CSMD1: variants seen among roughly 807,000 people sequenced by gnomAD.
CSMD1 encodes the protein CUB and Sushi multiple domains 1.
In CSMD1, 213 loss-of-function variants were observed where a neutral mutation model predicts 417.5. That is an observed-to-expected ratio of 0.51 (90% CI 0.46 to 0.57). The LOEUF (loss-of-function observed/expected upper bound fraction) is 0.57, where lower values mean the gene tolerates loss of function less well. Among genes scored for constraint, CSMD1 ranks in the 20% least tolerant of loss-of-function variants. The probability of loss-of-function intolerance (pLI) is 0.00; values close to 1 mark genes in which losing one functional copy is unlikely to be tolerated. For synonymous variants in CSMD1, 2,862 were observed against 1,736.8 expected, an observed-to-expected ratio of 1.65 and a Z score of -16.11; for missense variants, 6,923 against 4,529.7, an observed-to-expected ratio of 1.53 and a Z score of -15.17.
chr8:3,960,092 G>C (rs993119138), intron 5 of CSMD1, among the ~76,000 whole-genome samples: 1 of 152,166 alleles, frequency 6.6e-6, no homozygotes, highest in African/African-American at 2.4e-5. Context: ...AACAGTGCTG[G>C]AGCTAAGTGG....
chr8:3,447,142 T>C (rs1015655763), intron 12 of CSMD1, among the ~76,000 whole-genome samples: 1 of 152,058 alleles, frequency 6.6e-6, no homozygotes, highest in Non-Finnish European at 1.5e-5. Flanking sequence ...ACAGACATGA[T>C]CAAAGAGCCA....
chr8:3,990,585 T>G (rs561427244), intron 5 of CSMD1, among the ~76,000 whole-genome samples: 2 of 152,344 alleles, frequency 1.3e-5, no homozygotes, highest in East Asian at 3.9e-4. Context: ...AAATTTCAAA[T>G]ACGTATTCTT....
intron 8 of CSMD1, among the ~76,000 whole-genome samples, chr8:3,612,641 G>A (rs140545675): frequency 5.5e-4 from 83 of 152,178 alleles, no homozygotes; most frequent in Non-Finnish European, 8.8e-4. Context: ...AAAATGTTCA[G>A]TATATGGCAA....
intron 2 of CSMD1, among the ~76,000 whole-genome samples, chr8:4,439,331 A>C (rs1798329802): frequency 6.6e-6 from 1 of 152,156 alleles, no homozygotes. Context: ...CGTTAAATAT[A>C]ATTATTCAAA....
chr8:4,186,535 C>T (rs1215036863), intron 3 of CSMD1, among the ~76,000 whole-genome samples: 1 of 152,232 alleles, frequency 6.6e-6, no homozygotes, highest in Admixed American at 6.5e-5. Context: ...GGTGACTTCA[C>T]AGCATTATAC....
At chr8:4,586,014 C>A (rs1031501518) in intron 2 of CSMD1, among the ~76,000 whole-genome samples, 1 of 152,042 alleles carries the variant, frequency 6.6e-6, no homozygotes, top group Non-Finnish European at 1.5e-5. Context: ...TTCATCATTA[C>A]CTTTTTCATT....
chr8:4,382,115 T>A (rs1229710753), intron 3 of CSMD1, among the ~76,000 whole-genome samples: 1 of 152,154 alleles, frequency 6.6e-6, no homozygotes, highest in Non-Finnish European at 1.5e-5. Context: ...TAATATAGAA[T>A]GCACTTCAAT....
At chr8:4,521,234 A>G (rs1803427102) in intron 2 of CSMD1, among the ~76,000 whole-genome samples, 1 of 152,210 alleles carries the variant, frequency 6.6e-6, no homozygotes, top group African/African-American at 2.4e-5. Flanking sequence ...AAAAAGAACC[A>G]GAATGATAGT....
intron 49 of CSMD1, among the ~76,000 whole-genome samples, chr8:3,077,072 G>A (rs1168464497): frequency 6.6e-6 from 1 of 152,080 alleles, no homozygotes; most frequent in Non-Finnish European, 1.5e-5. Flanking sequence ...AGGTATGTGT[G>A]TTAAACCCAT....
intron 1 of CSMD1, among the ~76,000 whole-genome samples, chr8:4,718,908 T>A (rs892023981): frequency 6.6e-6 from 1 of 152,166 alleles, no homozygotes; most frequent in Non-Finnish European, 1.5e-5. Flanking sequence ...TATGACATTG[T>A]ATTAAAAAAT....
chr8:3,807,319 T>G (rs1166861022), intron 5 of CSMD1, among the ~76,000 whole-genome samples: 1 of 152,196 alleles, frequency 6.6e-6, no homozygotes, highest in East Asian at 1.9e-4. Flanking sequence ...CAGTATCTGG[T>G]TTTGTACTTG....
intron 1 of CSMD1, among the ~76,000 whole-genome samples, chr8:4,733,528 A>G (rs1810034951): frequency 6.6e-6 from 1 of 152,234 alleles, no homozygotes; most frequent in African/African-American, 2.4e-5. Flanking sequence ...AACAAGGAAG[A>G]TAGATAGTGC....
At chr8:3,189,882 G>C in intron 34 of CSMD1, 30 bp downstream of exon 34, 1 of 1,540,390 alleles carries the variant, frequency 6.5e-7, no homozygotes, top group Non-Finnish European at 8.8e-7. Flanking sequence ...ACAGAGTTCT[G>C]GCGGGCAGCC....
chr8:4,751,906 G>A lies in CSMD1; in HGVS notation c.86-114348C>T, dbSNP rs1343188505. ...TAATCATCCACTTTCTCAGTAAAGT[G>A]TTAGTTCCAGAGTCAGGAAGATCCA... is the stretch of plus-strand genomic sequence containing the variant. On this transcript the variant is annotated intron_variant, in intron 1 of 69. Coordinates refer to ENST00000635120, the MANE Select transcript of CSMD1 (RefSeq NM_033225.6). Among the ~76,000 whole-genome samples, 4 of 152,138 alleles carry A rather than the reference G, an allele frequency of 2.6e-5. 1 individual carries two copies. The highest frequency in any genetic ancestry group is 5.9e-5 in the Non-Finnish European group (4 of 68,028).
In CSMD1 at chr8:4,343,030, C is replaced by G. The variant is rs531589739; in HGVS notation, c.415+76923G>C. 7.9e-5 allele frequency among the ~76,000 whole-genome samples: 12 copies of G among 152,210 alleles called. 1 individual carries two copies. The highest frequency in any genetic ancestry group is 2.9e-4 in the African/African-American group (12 of 41,550). On this transcript the variant is annotated intron_variant, in intron 3 of 69. Transcript: ENST00000635120. ...TGCACCTGACTTGTGCCTCCTCCAA[C>G]CCTCATATTCAACATTTCAACATTT...
At chr8:3,927,286 A>G (rs1032038909) in intron 5 of CSMD1, among the ~76,000 whole-genome samples, 3 of 152,026 alleles carry the variant, frequency 2.0e-5, no homozygotes, top group African/African-American at 7.2e-5. Context: ...AATAATTATT[A>G]AGGTGCCAGA....
At chr8:3,561,270 A>G (rs1041339790) in intron 10 of CSMD1, among the ~76,000 whole-genome samples, 2 of 152,220 alleles carry the variant, frequency 1.3e-5, no homozygotes, top group African/African-American at 4.8e-5. Context: ...TCACTCAGCA[A>G]TTCTACTACT....
chr8:3,088,928 A>G (rs1814729094), intron 48 of CSMD1, among the ~76,000 whole-genome samples: 1 of 152,166 alleles, frequency 6.6e-6, no homozygotes, highest in African/African-American at 2.4e-5. Flanking sequence ...GATAAGTTAA[A>G]TAAAGTTTGC....
At position 4,156,097 on chromosome 8, in the gene CSMD1, G is replaced by C. The variant is rs903638849; in HGVS notation, c.416-123998C>G. On this transcript the variant is annotated intron_variant, in intron 3 of 69. Transcript: ENST00000635120. ...AATAGGGCTGGCTGGAGTTATCAGA[G>C]CATAATAATCATCCGATCCTGACAT... 2.6e-5 allele frequency among the ~76,000 whole-genome samples: 4 copies of C among 152,246 alleles called. No individual in the cohort carries two copies. In the South Asian group the frequency reaches 6.2e-4, roughly 24 times the overall value.
Sources: allele counts gnomAD v4.1 joint callset (sites outside exome capture counted in the v4.1 genomes callset), GRCh38; gene constraint gnomAD v4.1.1; transcripts MANE v1.5; gene names NCBI Gene and HGNC (gene_info 2026-07-23, HGNC 2026-07-21).